Variants in MAP3K15 observed in about 807,000 individuals in gnomAD.
MAP3K15 encodes the protein mitogen-activated protein kinase kinase kinase 15.
In MAP3K15, 124 loss-of-function variants were observed where a neutral mutation model predicts 99.5. That is an observed-to-expected ratio of 1.25 (90% CI 1.08 to 1.45). The LOEUF (loss-of-function observed/expected upper bound fraction) is 1.45, where lower values mean the gene tolerates loss of function less well. Among genes scored for constraint, MAP3K15 ranks in the 40% most tolerant of loss-of-function variants. The pLI is 0.00. For missense variants in MAP3K15, 1,242 were observed against 1,079.7 expected, an observed-to-expected ratio of 1.15 and a Z score of -2.11; for synonymous variants, 494 against 439.6, an observed-to-expected ratio of 1.12 and a Z score of -1.55.
chrX:19,431,208 G>A (rs1379390906), intron 7 of MAP3K15, among the ~76,000 whole-genome samples: 2 of 111,507 alleles, frequency 1.8e-5, no homozygotes, highest in Non-Finnish European at 3.8e-5. Context: ...CCTCCTTCTT[G>A]GCCCATAAAC....
intron 1 of MAP3K15, among the ~76,000 whole-genome samples, chrX:19,511,232 G>A (rs1602361681): frequency 2.7e-5 from 3 of 112,091 alleles, no homozygotes. Context: ...AGAAAACCTA[G>A]GCAATACCAT....
At chrX:19,440,726 ACT>A (rs1360120825) in intron 6 of MAP3K15, among the ~76,000 whole-genome samples, 1 of 111,849 alleles carries the variant, frequency 8.9e-6, no homozygotes, top group East Asian at 2.8e-4. Flanking sequence ...CCTTGCCTGA[ACT>A]CTCTGTCCTG....
At chrX:19,504,783 G>A (rs1300980877) in intron 1 of MAP3K15, among the ~76,000 whole-genome samples, 1 of 110,312 alleles carries the variant, frequency 9.1e-6, no homozygotes, top group Non-Finnish European at 1.9e-5. Context: ...GGGCAACAAG[G>A]CAAAACCTTG....
chrX:19,510,127 C>T (rs990749299), intron 1 of MAP3K15, among the ~76,000 whole-genome samples: 2 of 111,860 alleles, frequency 1.8e-5, no homozygotes, highest in African/African-American at 3.2e-5. Flanking sequence ...AAATCCTAGA[C>T]GGACTCACAG....
At chrX:19,379,308 A>T (rs2063441404) in intron 19 of MAP3K15, among the ~76,000 whole-genome samples, 1 of 108,554 alleles carries the variant, frequency 9.2e-6, no homozygotes, top group Non-Finnish European at 1.9e-5. Context: ...TTTTTTTTTA[A>T]ACCTGTCATC....
chrX:19,364,833 C>T (rs1235673893), intron 25 of MAP3K15, among the ~76,000 whole-genome samples: 8 of 100,730 alleles, frequency 7.9e-5, no homozygotes, highest in African/African-American at 1.5e-4. Flanking sequence ...GCAGAGGTTG[C>T]GGTGAGCCAA....
intron 6 of MAP3K15, among the ~76,000 whole-genome samples, chrX:19,446,667 C>T (rs1245341297): frequency 9.0e-6 from 1 of 111,130 alleles, no homozygotes; most frequent in African/African-American, 3.3e-5. Flanking sequence ...CCTAAATAAA[C>T]CCTTCAGTCA....
intron 21 of MAP3K15, chrX:19,373,226 A>G (rs2063390417): frequency 5.9e-6 from 1 of 170,926 alleles, no homozygotes; most frequent in African/African-American, 4.9e-5. Context: ...AGAGGGGGCA[A>G]GGGTGAGGGG....
intron 13 of MAP3K15, among the ~76,000 whole-genome samples, chrX:19,401,352 C>A (rs2063607014): frequency 9.0e-6 from 1 of 110,636 alleles, no homozygotes; most frequent in East Asian, 2.8e-4. Flanking sequence ...GCACCCATCA[C>A]CAAGCCCGGC....
intron 6 of MAP3K15, among the ~76,000 whole-genome samples, chrX:19,454,086 A>C (rs929853289): frequency 9.1e-6 from 1 of 110,231 alleles, no homozygotes; most frequent in East Asian, 2.8e-4. Context: ...CTCATCTAGC[A>C]CTCCCCTTAT....
chrX:19,407,925 C>G (rs1045140732), intron 12 of MAP3K15, among the ~76,000 whole-genome samples: 1 of 111,993 alleles, frequency 8.9e-6, no homozygotes, highest in African/African-American at 3.2e-5. Context: ...AGGCTAGATT[C>G]TCTTCTATCA....
rs1003523697 is a variant in MAP3K15, at chrX:19,426,702, A to T, written c.1167-359T>A. On this transcript the variant is annotated intron_variant, in intron 7 of 28. Transcript: ENST00000338883. ...TGTGGTGGTGTGTGCCTGTAATCCC[A>T]GCTACTCGGGAGGCTGAGGCAGGAG... Among the ~76,000 whole-genome samples, 3 of 107,479 alleles carry T rather than the reference A, an allele frequency of 2.8e-5. No individual in the cohort carries two copies. In the Admixed American group the frequency reaches 3.1e-4, roughly 11 times the overall value. 93.3% of individuals were successfully genotyped at this position (107,479 alleles called of 115,157 possible).
intron 8 of MAP3K15, among the ~76,000 whole-genome samples, 162 bp from the exon 9 acceptor site, chrX:19,425,852 C>T (rs1372513292): frequency 1.8e-5 from 2 of 112,240 alleles, no homozygotes; most frequent in Non-Finnish European, 3.8e-5. Flanking sequence ...GGCACGGTGG[C>T]TCACGCCTGT....
At chrX:19,393,607 G>T (rs2063542426) in intron 16 of MAP3K15, among the ~76,000 whole-genome samples, 1 of 107,603 alleles carries the variant, frequency 9.3e-6, no homozygotes, top group African/African-American at 3.5e-5. Flanking sequence ...CTGCACTCCA[G>T]CCTGGGCAAC....
chrX:19,451,288 AAAAAAAAG>A lies in MAP3K15; in HGVS notation c.995+5617_995+5624del, dbSNP rs1487742708. On this transcript the variant is annotated intron_variant, in intron 6 of 28. Coordinates refer to ENST00000338883, the MANE Select transcript of MAP3K15 (RefSeq NM_001001671.4). ...CAACAGAGTCAGTTTCCAAAAAAAA[AAAAAAAAG>A]AAGAAGATCAGATAAATGAGACATC... Among the ~76,000 whole-genome samples, 63 of 95,316 alleles carry A rather than the reference AAAAAAAAG, an allele frequency of 6.6e-4. 2 individuals are homozygous for A. Among genetic ancestry groups the A allele is most frequent in the Non-Finnish European group, 1.0e-3 (52 of 50,259 alleles). The allele number at this position is 95,316 out of a possible 115,157, so 82.8% of individuals were successfully genotyped here.
intron 6 of MAP3K15, among the ~76,000 whole-genome samples, chrX:19,441,986 G>GC (rs1483132592): frequency 8.9e-6 from 1 of 112,105 alleles, no homozygotes; most frequent in African/African-American, 3.2e-5. Context: ...TTGGAATAGT[G>GC]CATGAGTGAA....
intron 1 of MAP3K15, among the ~76,000 whole-genome samples, chrX:19,490,140 TACACACAC>T (rs59202439): frequency 1.8e-3 from 165 of 92,453 alleles, no homozygotes; most frequent in Non-Finnish European, 1.9e-3. Flanking sequence ...ATAGGCATTA[TACACACAC>T]ACACACACAC....
intron 3 of MAP3K15, among the ~76,000 whole-genome samples, chrX:19,476,635 T>A (rs1234788375): frequency 8.9e-6 from 1 of 112,050 alleles, no homozygotes; most frequent in African/African-American, 3.2e-5. Flanking sequence ...TCTACACTAC[T>A]CCTTTTCTCT....
intron 6 of MAP3K15, among the ~76,000 whole-genome samples, chrX:19,448,538 T>G (rs1244492598): frequency 9.3e-6 from 1 of 107,691 alleles, no homozygotes; most frequent in Non-Finnish European, 1.9e-5. Context: ...AAAAATACCT[T>G]AAACCACTGG....
Sources: gnomAD v4.1 joint callset for allele counts (sites outside exome capture counted in the v4.1 genomes callset) on GRCh38, gnomAD v4.1.1 for gene constraint, MANE v1.5 for transcripts, NCBI Gene and HGNC (gene_info 2026-07-23, HGNC 2026-07-21) for gene names.